The following CORO2B variants were observed in gnomAD, a reference collection of about 807,000 sequenced individuals.
CORO2B encodes the protein coronin-2B.
Under a neutral mutation model 58.8 loss-of-function variants are expected in CORO2B, and 26 were observed. That is an observed-to-expected ratio of 0.44 (90% CI 0.32 to 0.61). The LOEUF is 0.61. Ranked by LOEUF, CORO2B falls within the 20% of genes least tolerant of loss-of-function variation. The probability of loss-of-function intolerance (pLI) is 0.04; values close to 1 mark genes in which losing one functional copy is unlikely to be tolerated. For missense variants in CORO2B, 460 were observed against 645.1 expected, an observed-to-expected ratio of 0.71 and a Z score of 3.11; for synonymous variants, 242 against 253.8, an observed-to-expected ratio of 0.95 and a Z score of 0.44.
At position 68,711,612 on chromosome 15, in the gene CORO2B, G is replaced by T. The variant is rs768320498; in HGVS notation, c.554G>T (p.Cys185Phe). ...GACTGCCACACGGATGTGATCCTCT[G>T]CATGTCCTTCAACACGGACGGCAGC... ...MIDCHTDVIL[C>F]MSFNTDGSLL... Residue 185 changes from cysteine (C) to phenylalanine (F), a missense_variant, in exon 5 of 12, where the codon TGC becomes TTC. Physicochemically the swap from Cys to Phe is radical, Grantham distance 205. Around this residue, in one of 2 missense-constraint regions of CORO2B, gnomAD observed 352 missense variants for 543.0 expected, o/e 0.65. Transcript: ENST00000261861. 1 of 1,614,142 alleles carries T rather than the reference G, an allele frequency of 6.2e-7. No individual in the cohort carries two copies. Among genetic ancestry groups the T allele is most frequent in the Non-Finnish European group, 8.5e-7 (1 of 1,180,006 alleles).
At chr15:68,606,639 G>A (rs1900132221) in intron 1 of CORO2B, among the ~76,000 whole-genome samples, 11 of 152,236 alleles carry the variant, frequency 7.2e-5, no homozygotes, top group South Asian at 2.1e-4. Flanking sequence ...AGAAAATACA[G>A]TTTGGATACA....
At chr15:68,650,197 C>T (rs1287658302) in intron 2 of CORO2B, among the ~76,000 whole-genome samples, 1 of 151,932 alleles carries the variant, frequency 6.6e-6, no homozygotes, top group Non-Finnish European at 1.5e-5. Context: ...GGAGAAACCC[C>T]GTCTCTACTA....
upstream of CORO2B, chr15:68,578,982 T>A: frequency 4.7e-5 from 30 of 637,842 alleles, no homozygotes; most frequent in South Asian, 7.1e-5. The surrounding 1 kb of genome is among the most constrained non-coding windows in gnomAD (Gnocchi z 4.2). Flanking sequence ...GCCCTCTCCC[T>A]CTCTCCCTTT....
intron 6 of CORO2B, 47 bp from the exon 7 acceptor site, chr15:68,714,512 A>G (rs755821190): frequency 6.8e-6 from 10 of 1,461,302 alleles, no homozygotes; most frequent in East Asian, 4.5e-5. Flanking sequence ...GGGGAGGGGT[A>G]TGCCATCCTG....
chr15:68,676,626 G>A (rs1008112419), intron 2 of CORO2B, among the ~76,000 whole-genome samples: 2 of 152,198 alleles, frequency 1.3e-5, no homozygotes, highest in East Asian at 3.8e-4. Flanking sequence ...TCTCAGCCGT[G>A]TTTCCCAAGT....
chr15:68,648,615 A>C (rs996134568), intron 2 of CORO2B, among the ~76,000 whole-genome samples: 1 of 152,234 alleles, frequency 6.6e-6, no homozygotes, highest in Non-Finnish European at 1.5e-5. Flanking sequence ...GCGCCAGTGC[A>C]CTCCAGCCTG....
At chr15:68,544,515 A>G in the CORO2B span, among the ~76,000 whole-genome samples, 1 of 152,232 alleles carries the variant, frequency 6.6e-6, no homozygotes, top group Non-Finnish European at 1.5e-5. Context: ...TGGAGGATGC[A>G]GAGGATGGCC....
chr15:68,593,880 G>GAGAGA (rs971225607), intron 1 of CORO2B, among the ~76,000 whole-genome samples: 24 of 152,186 alleles, frequency 1.6e-4, no homozygotes, highest in East Asian at 3.9e-4. Context: ...TGAGAAGGGC[G>GAGAGA]AGAGAAGAGA....
intron 1 of CORO2B, among the ~76,000 whole-genome samples, chr15:68,595,856 C>T (rs1328610582): frequency 3.3e-5 from 5 of 152,080 alleles, no homozygotes; most frequent in African/African-American, 4.8e-5. Context: ...TCCTAAAGGC[C>T]GAGGGACCCT....
chr15:68,651,538 G>A (rs1595990556), intron 2 of CORO2B, among the ~76,000 whole-genome samples: 1 of 152,176 alleles, frequency 6.6e-6, no homozygotes, highest in South Asian at 2.1e-4. Context: ...CCATTTCTTG[G>A]TGACTGCAAA....
At chr15:68,680,116 C>A (rs1307895411) in intron 2 of CORO2B, among the ~76,000 whole-genome samples, 5 of 151,206 alleles carry the variant, frequency 3.3e-5, no homozygotes, top group Admixed American at 3.3e-4. Flanking sequence ...CCCTAAGAGG[C>A]AAGGCAGAGT....
intron 1 of CORO2B, among the ~76,000 whole-genome samples, chr15:68,632,599 T>G (rs1900874613): frequency 6.6e-6 from 1 of 152,216 alleles, no homozygotes; most frequent in Non-Finnish European, 1.5e-5. Context: ...TTAATTTTTG[T>G]GTTTTTTTGG....
the CORO2B span, among the ~76,000 whole-genome samples, chr15:68,554,580 C>T: frequency 1.6e-4 from 25 of 152,256 alleles, no homozygotes; most frequent in Non-Finnish European, 2.2e-4. Flanking sequence ...CCTCATGTGC[C>T]GAGTAACAGC....
chr15:68,547,501 T>A, the CORO2B span, among the ~76,000 whole-genome samples: 2 of 152,156 alleles, frequency 1.3e-5, no homozygotes, highest in South Asian at 2.1e-4. Context: ...AGAATTTTTT[T>A]ATGCTAATTT....
intron 2 of CORO2B, among the ~76,000 whole-genome samples, chr15:68,679,942 T>C (rs79713838): frequency 0.035 from 5,281 of 152,324 alleles, 313 homozygotes; most frequent in African/African-American, 0.12. Flanking sequence ...GCTGAAGTTC[T>C]GAGCCAGAGG....
intron 2 of CORO2B, among the ~76,000 whole-genome samples, chr15:68,688,874 C>T (rs1225084613): frequency 1.3e-5 from 2 of 152,144 alleles, no homozygotes; most frequent in South Asian, 2.1e-4. Flanking sequence ...AATGGATCTC[C>T]GGAGAAGGTG....
chr15:68,634,538 A>G (rs1047501213), intron 1 of CORO2B, among the ~76,000 whole-genome samples: 1 of 152,210 alleles, frequency 6.6e-6, no homozygotes, highest in African/African-American at 2.4e-5. Flanking sequence ...ATGCAAAGTC[A>G]CAGAGCTGAA....
chr15:68,550,908 G>A, the CORO2B span, among the ~76,000 whole-genome samples: 10 of 152,308 alleles, frequency 6.6e-5, no homozygotes, highest in Admixed American at 2.0e-4. Context: ...CTGCCTCCCA[G>A]AGGGGGACAC....
At chr15:68,602,969 C>T (rs1900020890) in intron 1 of CORO2B, among the ~76,000 whole-genome samples, 5 of 152,154 alleles carry the variant, frequency 3.3e-5, no homozygotes, top group Admixed American at 3.3e-4. Context: ...AATCCCTTGC[C>T]TAGAAACAGC....
Sources: allele counts gnomAD v4.1 joint callset (sites outside exome capture counted in the v4.1 genomes callset), GRCh38; gene constraint gnomAD v4.1.1; regional missense constraint gnomAD v4.1.1; non-coding constraint Gnocchi (gnomAD v3.1); transcripts MANE v1.5; gene names NCBI Gene and HGNC (gene_info 2026-07-23, HGNC 2026-07-21).